Variants in LRRC4C observed in about 807,000 individuals in gnomAD.
LRRC4C encodes leucine rich repeat containing 4C.
Under a neutral mutation model 33.6 loss-of-function variants are expected in LRRC4C, and 5 were observed. That is an observed-to-expected ratio of 0.15 (90% CI 0.08 to 0.31). The LOEUF (loss-of-function observed/expected upper bound fraction) is 0.31. Ranked by LOEUF, LRRC4C falls within the 10% of genes least tolerant of loss-of-function variation. The pLI is 1.00. For synonymous variants in LRRC4C, 329 were observed against 302.0 expected (o/e 1.09, Z -0.93); for missense variants, 560 against 796.7 (o/e 0.70, Z 3.58).
At chr11:40,768,347 T>G (rs1475479791) in intron 2 of LRRC4C, among the ~76,000 whole-genome samples, 1 of 152,006 alleles carries the variant, frequency 6.6e-6, no homozygotes, top group Non-Finnish European at 1.5e-5. Flanking sequence ...AAGAAAAACT[T>G]GGGACCTGGT....
At chr11:40,796,342 G>C (rs2135223684) in intron 2 of LRRC4C, among the ~76,000 whole-genome samples, 1 of 152,272 alleles carries the variant, frequency 6.6e-6, no homozygotes, top group South Asian at 2.1e-4. Flanking sequence ...GTGGTGCAGG[G>C]TAAACTCTGA....
At chr11:40,429,022 T>C (rs1355844048) in intron 3 of LRRC4C, among the ~76,000 whole-genome samples, 1 of 152,208 alleles carries the variant, frequency 6.6e-6, no homozygotes, top group Non-Finnish European at 1.5e-5. Flanking sequence ...TTTTATTTCA[T>C]AAAATTAAAG....
At chr11:40,586,093 G>A (rs2135693265) in intron 3 of LRRC4C, among the ~76,000 whole-genome samples, 1 of 145,464 alleles carries the variant, frequency 6.9e-6, no homozygotes, top group African/African-American at 2.6e-5. Context: ...CCCACCAACA[G>A]TGTAAAAGTG....
rs12289427 is a variant in LRRC4C at position 41,178,765 on chromosome 11, G to A, written c.-495-245042C>T. On this transcript the variant is annotated intron_variant, in intron 1 of 6. Coordinates refer to ENST00000528697, the MANE Select transcript of LRRC4C (RefSeq NM_001258419.2). The stretch of plus-strand genomic sequence containing the variant: ...GTCCCCCAGGCTGAAGTGCAGTAGC[G>A]CAATCTCAGGTCACTGCAACTTCTG... Among the ~76,000 whole-genome samples, 647 of 152,196 alleles carry A rather than the reference G, an allele frequency of 4.3e-3. 3 individuals are homozygous for A. Among genetic ancestry groups the A allele is most frequent in the African/African-American group, 0.014 (574 of 41,548 alleles).
At chr11:40,359,206 G>A (rs11035802) in intron 3 of LRRC4C, among the ~76,000 whole-genome samples, 1 of 152,160 alleles carries the variant, frequency 6.6e-6, no homozygotes, top group African/African-American at 2.4e-5. Context: ...CTCAAAAGCA[G>A]GATACCAGTA....
chr11:40,517,909 A>G (rs931566310), intron 3 of LRRC4C, among the ~76,000 whole-genome samples: 1 of 152,196 alleles, frequency 6.6e-6, no homozygotes, highest in Admixed American at 6.5e-5. Flanking sequence ...GTACCAAAAC[A>G]GATATATAGA....
chr11:40,182,770 G>A lies in LRRC4C; in HGVS notation c.-95-41917C>T, dbSNP rs80182454. On this transcript the variant is annotated intron_variant, in intron 5 of 6. Transcript: ENST00000528697. ...TGACAGGTAATTTGTTCATTTATGT[G>A]TTTTTCAGCTTTATCTGTCTTTGTA... 3.3e-3 allele frequency among the ~76,000 whole-genome samples: 503 copies of A among 152,168 alleles called. 4 individuals carry two copies. Among genetic ancestry groups the A allele is most frequent in the African/African-American group, 0.011 (461 of 41,532 alleles).
chr11:40,537,275 T>C (rs900699066), intron 3 of LRRC4C, among the ~76,000 whole-genome samples: 3 of 152,224 alleles, frequency 2.0e-5, no homozygotes, highest in African/African-American at 7.2e-5. Context: ...CTATTCTCAG[T>C]GCTGTGGTAA....
chr11:40,782,780 GT>G (rs2137290129), intron 2 of LRRC4C, among the ~76,000 whole-genome samples: 1 of 152,176 alleles, frequency 6.6e-6, no homozygotes, highest in Non-Finnish European at 1.5e-5. Flanking sequence ...GCATTTCTAT[GT>G]AGTCAATTAT....
intron 1 of LRRC4C, among the ~76,000 whole-genome samples, chr11:41,000,696 CT>C (rs1445496339): frequency 6.6e-6 from 1 of 152,136 alleles, no homozygotes; most frequent in African/African-American, 2.4e-5. Flanking sequence ...GCCAGTTTTA[CT>C]TTAACTTGCT....
chr11:40,543,187 A>T lies in LRRC4C; in HGVS notation c.-270+104955T>A, dbSNP rs189592296. ...CATTACTCTCTATAAATCTTGTCCC[A>T]TTATTTTTTTTTTCCAGAAAAACTG... On this transcript the variant is annotated intron_variant, in intron 3 of 6. Coordinates refer to ENST00000528697, the MANE Select transcript of LRRC4C (RefSeq NM_001258419.2). Among the ~76,000 whole-genome samples the T allele has an allele frequency of 2.2e-3, 331 of 147,814 alleles. 1 individual carries two copies. Among genetic ancestry groups the T allele is most frequent in the African/African-American group, 8.1e-3 (307 of 37,740 alleles).
intron 1 of LRRC4C, among the ~76,000 whole-genome samples, chr11:41,207,416 A>G (rs1294710976): frequency 6.6e-6 from 1 of 152,204 alleles, no homozygotes; most frequent in Non-Finnish European, 1.5e-5. Context: ...TTCCCCACCC[A>G]GAAATTCATT....
At chr11:41,447,950 G>T (rs1564958248) in intron 1 of LRRC4C, among the ~76,000 whole-genome samples, 1 of 151,728 alleles carries the variant, frequency 6.6e-6, no homozygotes, top group Non-Finnish European at 1.5e-5. Context: ...CATCTTTAAG[G>T]GTTGCTTACA....
At chr11:40,263,265 C>T (rs190227689) in intron 4 of LRRC4C, among the ~76,000 whole-genome samples, 18 of 152,030 alleles carry the variant, frequency 1.2e-4, no homozygotes. Context: ...GACATGGGAC[C>T]AGTGATTTTC....
rs998301411 is a variant in LRRC4C at position 40,896,060 on chromosome 11, T to A, written c.-407+37575A>T. On this transcript the variant is annotated intron_variant, in intron 2 of 6. Transcript: ENST00000528697. Reference sequence around the variant, plus strand: ...AGATAAGGCTTATATACACAGTTCATCTTTTGGATTCTTTCATCCAACTCC... The same window carrying A: ...AGATAAGGCTTATATACACAGTTCAACTTTTGGATTCTTTCATCCAACTCC... 3.3e-5 allele frequency among the ~76,000 whole-genome samples: 5 copies of A among 152,294 alleles called. No individual in the cohort carries two copies. The South Asian group carries it at 8.3e-4, about 25-fold the overall frequency.
intron 3 of LRRC4C, among the ~76,000 whole-genome samples, chr11:40,571,059 T>C (rs1957963962): frequency 1.3e-5 from 2 of 152,166 alleles, no homozygotes. Flanking sequence ...ATAGTGTCTC[T>C]AATGTTCTCT....
At chr11:41,130,707 T>A (rs1477744462) in intron 1 of LRRC4C, among the ~76,000 whole-genome samples, 3 of 152,050 alleles carry the variant, frequency 2.0e-5, no homozygotes, top group Admixed American at 2.0e-4. Flanking sequence ...CTTAGGCCAT[T>A]TTTTAAAGTA....
intron 1 of LRRC4C, among the ~76,000 whole-genome samples, chr11:41,308,815 T>C (rs539740105): frequency 6.6e-6 from 1 of 152,140 alleles, no homozygotes; most frequent in East Asian, 1.9e-4. Context: ...TTTTCTTTTT[T>C]TTTTTTTAGA....
chr11:40,396,423 C>G (rs984536970), intron 3 of LRRC4C, among the ~76,000 whole-genome samples: 4 of 151,956 alleles, frequency 2.6e-5, no homozygotes, highest in Non-Finnish European at 4.4e-5. Flanking sequence ...ATTTCATGTT[C>G]AAGTTAAAGA....
Sources: gnomAD v4.1 joint callset for allele counts (sites outside exome capture counted in the v4.1 genomes callset) on GRCh38, gnomAD v4.1.1 for gene constraint, MANE v1.5 for transcripts, NCBI Gene and HGNC (gene_info 2026-07-23, HGNC 2026-07-21) for gene names.